The following WDR27 variants were observed in gnomAD, a reference collection of about 807,000 sequenced individuals.
The protein encoded by WDR27 is WD repeat domain 27.
Under a neutral mutation model 114.4 loss-of-function variants are expected in WDR27, and 100 were observed. That is an observed-to-expected ratio of 0.87 (90% CI 0.74 to 1.03). WDR27 has a LOEUF of 1.03. Ranked by LOEUF, WDR27 falls within the 50% of genes least tolerant of loss-of-function variation. WDR27 has a pLI of 0.00. For missense variants in WDR27, 1,129 were observed against 1,092.9 expected (o/e 1.03, Z -0.47); for synonymous variants, 449 against 423.1 (o/e 1.06, Z -0.75).
intron 25 of WDR27, among the ~76,000 whole-genome samples, chr6:169,501,548 G>T (rs1418825803): frequency 6.6e-6 from 1 of 152,224 alleles, no homozygotes; most frequent in East Asian, 1.9e-4. Flanking sequence ...TATCTAGCCC[G>T]CAGGAAAAGA....
chr6:169,561,837 G>A (rs1199418347), intron 25 of WDR27, among the ~76,000 whole-genome samples: 3 of 152,240 alleles, frequency 2.0e-5, no homozygotes, highest in Admixed American at 2.0e-4. Context: ...TTCAAACAAA[G>A]AGACCCAAAT....
At chr6:169,452,281 A>G (rs369730570), downstream of WDR27, among the ~76,000 whole-genome samples, 1,527 of 152,246 alleles carry the variant, frequency 0.01, 23 homozygotes, top group African/African-American at 0.035. Context: ...CACTCCTCCC[A>G]CAGCCTCTGG....
In WDR27 at chr6:169,662,326, T is replaced by G. The variant is rs778786606; in HGVS notation, c.1003A>C (p.Ile335Leu). The change falls in exon 9 of 26, where the codon ATC becomes CTC. Residue 335 changes from isoleucine to leucine, a missense_variant. By Grantham distance (5) the Ile-to-Leu change is conservative. Transcript: ENST00000448612. Reference sequence around the variant, plus strand: ...TACCATCCACATGCAGAATTTGGGATGAGTGAGAGATCACAGGGTGCAAGT... The same window carrying G: ...TACCATCCACATGCAGAATTTGGGAGGAGTGAGAGATCACAGGGTGCAAGT... ...LRLAPCDLSLIPNSACGCLSS... is the reference protein window; with the variant it reads ...LRLAPCDLSLLPNSACGCLSS... 6.2e-7 allele frequency: 1 copy of G among 1,613,900 alleles called. No homozygotes were observed. Among genetic ancestry groups the G allele is most frequent in the Non-Finnish European group, 8.5e-7 (1 of 1,179,772 alleles).
intron 1 of WDR27, among the ~76,000 whole-genome samples, chr6:169,695,858 G>A (rs564359513): frequency 2.1e-3 from 315 of 152,288 alleles, no homozygotes; most frequent in Non-Finnish European, 3.4e-3. Flanking sequence ...GGATGATGAT[G>A]CACTGTGAGA....
intron 25 of WDR27, among the ~76,000 whole-genome samples, chr6:169,482,925 C>T (rs541333700): frequency 6.2e-4 from 94 of 152,244 alleles, no homozygotes; most frequent in Non-Finnish European, 9.4e-4. Context: ...CAACCTGCTC[C>T]TGAATGACTT....
At chr6:169,614,744 T>G (rs1350978105) in intron 21 of WDR27, among the ~76,000 whole-genome samples, 1 of 151,902 alleles carries the variant, frequency 6.6e-6, no homozygotes, top group Non-Finnish European at 1.5e-5. Context: ...AATACATGTT[T>G]TAAAATAATA....
At chr6:169,564,319 G>A (rs2128118955) in intron 25 of WDR27, among the ~76,000 whole-genome samples, 1 of 152,292 alleles carries the variant, frequency 6.6e-6, no homozygotes, top group African/African-American at 2.4e-5. Context: ...ATTAGATGGT[G>A]GCCACCCACA....
At chr6:169,555,765 C>A (rs1398315710) in intron 25 of WDR27, among the ~76,000 whole-genome samples, 1 of 152,062 alleles carries the variant, frequency 6.6e-6, no homozygotes, top group East Asian at 1.9e-4. Context: ...AAGAATAAAC[C>A]AAATTCACTT....
intron 21 of WDR27, among the ~76,000 whole-genome samples, chr6:169,631,787 A>T (rs1324244438): frequency 6.6e-6 from 1 of 152,164 alleles, no homozygotes; most frequent in East Asian, 1.9e-4. Flanking sequence ...GCTTCAATGT[A>T]ATTTAACTTA....
the WDR27 span, among the ~76,000 whole-genome samples, chr6:169,430,597 T>A: frequency 6.6e-6 from 1 of 152,104 alleles, no homozygotes; most frequent in Non-Finnish European, 1.5e-5. Flanking sequence ...TCCACAAGGA[T>A]GAAGAAGGAA....
In WDR27 at chr6:169,576,334, C is replaced by T. The variant is rs185965217; in HGVS notation, c.2524-3794G>A. On this transcript the variant is annotated intron_variant, in intron 24 of 25. Transcript: ENST00000448612. ...GCAGGTCTGGTGGGACTTCACCAGT[C>T]GGCCATGCTCCGAGATGAAGGGGAT... Among the ~76,000 whole-genome samples, 282 of 152,298 alleles carry T rather than the reference C, an allele frequency of 1.9e-3. 4 individuals carry two copies. The highest frequency in any genetic ancestry group is 6.5e-3 in the African/African-American group (270 of 41,558).
chr6:169,639,970 G>C (rs1310364184), intron 17 of WDR27, among the ~76,000 whole-genome samples: 1 of 152,192 alleles, frequency 6.6e-6, no homozygotes, highest in Non-Finnish European at 1.5e-5. Context: ...TGAGGAGGGC[G>C]AGAGGGGACG....
At chr6:169,560,547 C>T (rs1022481720) in intron 25 of WDR27, among the ~76,000 whole-genome samples, 1 of 152,168 alleles carries the variant, frequency 6.6e-6, no homozygotes, top group Non-Finnish European at 1.5e-5. Context: ...ACCAAGGTGT[C>T]GGGCACAGCC....
intron 25 of WDR27, among the ~76,000 whole-genome samples, chr6:169,494,865 T>G (rs996858986): frequency 6.6e-6 from 1 of 152,188 alleles, no homozygotes; most frequent in Non-Finnish European, 1.5e-5. Context: ...CTCAAACACA[T>G]GTGAAAGCAT....
At chr6:169,591,552 C>T (rs1416217339) in intron 23 of WDR27, among the ~76,000 whole-genome samples, 2 of 152,140 alleles carry the variant, frequency 1.3e-5, no homozygotes, top group Admixed American at 1.3e-4. Flanking sequence ...GGACAGGTGC[C>T]CTAGTTACCT....
intron 3 of WDR27, 134 bp downstream of exon 3, chr6:169,672,119 AGT>A: frequency 1.2e-6 from 1 of 838,402 alleles, no homozygotes. Context: ...AGGTAAAGAG[AGT>A]ACAAAATTAT....
intron 25 of WDR27, among the ~76,000 whole-genome samples, chr6:169,512,061 T>C (rs573357332): frequency 6.6e-6 from 1 of 152,176 alleles, no homozygotes; most frequent in African/African-American, 2.4e-5. Context: ...ATAGAACAAA[T>C]AGCTATAACC....
intron 13 of WDR27, 151 bp downstream of exon 13, chr6:169,658,125 A>G (rs990238408): frequency 1.1e-5 from 7 of 650,698 alleles, no homozygotes; most frequent in Middle Eastern, 5.1e-4. Context: ...TGGAACACGC[A>G]CGAGAGGCAG....
At chr6:169,644,750 C>T (rs1369440200) in intron 16 of WDR27, among the ~76,000 whole-genome samples, 2 of 58,862 alleles carry the variant, frequency 3.4e-5, no homozygotes, top group Non-Finnish European at 5.8e-5. Flanking sequence ...TGGCTCACGC[C>T]TGTAATCCCA....
Sources: allele counts gnomAD v4.1 joint callset (sites outside exome capture counted in the v4.1 genomes callset), GRCh38; gene constraint gnomAD v4.1.1; transcripts MANE v1.5; gene names NCBI Gene and HGNC (gene_info 2026-07-23, HGNC 2026-07-21).